The following MB21D2 variants were observed in gnomAD, a reference collection of about 807,000 sequenced individuals.
MB21D2 encodes Mab-21 domain containing 2.
A neutral mutation model predicts 33.3 loss-of-function variants in MB21D2; 9 were observed. The observed-to-expected ratio is 0.27, with a 90% CI of 0.16 to 0.47. The LOEUF (loss-of-function observed/expected upper bound fraction) is 0.47, where lower values mean the gene tolerates loss of function less well. MB21D2 is among the 20% of genes least tolerant of loss of function. MB21D2 has a pLI of 0.99. For missense variants in MB21D2, 540 were observed against 624.6 expected, an observed-to-expected ratio of 0.86 and a Z score of 1.44; for synonymous variants, 241 against 236.3, an observed-to-expected ratio of 1.02 and a Z score of -0.18.
Position 192,874,065 on chromosome 3 carries a change from G to C in MB21D2, c.211+43565C>G, listed in dbSNP as rs1560246414. ...TAAAAATGTCTGTTGATTCCCAATG[G>C]AAATGAGTGGTAGTGTCTACTCAAA... On this transcript the variant is annotated intron_variant, in intron 1 of 1. Coordinates refer to ENST00000392452, the MANE Select transcript of MB21D2 (RefSeq NM_178496.4). 2.0e-5 allele frequency among the ~76,000 whole-genome samples: 3 copies of C among 152,292 alleles called. No homozygotes were observed. In the South Asian group the frequency reaches 6.2e-4, roughly 32 times the overall value.
intron 1 of MB21D2, among the ~76,000 whole-genome samples, chr3:192,814,514 G>T (rs1365935690): frequency 1.3e-5 from 2 of 152,134 alleles, no homozygotes; most frequent in African/African-American, 4.8e-5. Context: ...AGCACGGGTA[G>T]ATCATTTAAA....
In MB21D2 at chr3:192,869,046, A is replaced by C. The variant is rs141367571; in HGVS notation, c.211+48584T>G. ...GGAAGAGGGTGGATCACTTGAGGTC[A>C]GGAGTTCGAGACCAGCCTGGCCAAC... On this transcript the variant is annotated intron_variant, in intron 1 of 1. Transcript: ENST00000392452. Among the ~76,000 whole-genome samples the C allele has an allele frequency of 9.4e-3, 1,428 of 152,300 alleles. 15 individuals carry two copies. The highest frequency in any genetic ancestry group is 0.033 in the African/African-American group (1,354 of 41,548).
chr3:192,838,394 G>A (rs1251287307), intron 1 of MB21D2, among the ~76,000 whole-genome samples: 2 of 151,904 alleles, frequency 1.3e-5, no homozygotes, highest in African/African-American at 4.8e-5. Context: ...GAGAAAAATG[G>A]GCTCTTTGAA....
intron 1 of MB21D2, among the ~76,000 whole-genome samples, chr3:192,860,675 CA>C (rs1318661094): frequency 6.6e-6 from 1 of 152,174 alleles, no homozygotes; most frequent in Non-Finnish European, 1.5e-5. Flanking sequence ...CCAGCTCTGC[CA>C]GCAGAAGTGG....
chr3:192,802,621 T>A lies in MB21D2; in HGVS notation c.212-2971A>T, dbSNP rs559022562. On this transcript the variant is annotated intron_variant, in intron 1 of 1. Transcript: ENST00000392452. ...TAATATTAACCTCATCTTTGCCATGTAAAGAAATACTACCATCCCACGTTT... is the reference window on the plus strand; with the variant it reads ...TAATATTAACCTCATCTTTGCCATGAAAAGAAATACTACCATCCCACGTTT... Among the ~76,000 whole-genome samples the A allele has an allele frequency of 9.1e-4, 138 of 152,344 alleles. 1 individual carries two copies. Among genetic ancestry groups the A allele is most frequent in the African/African-American group, 3.3e-3 (137 of 41,576 alleles).
intron 1 of MB21D2, among the ~76,000 whole-genome samples, chr3:192,829,307 A>G (rs931897333): frequency 4.6e-5 from 7 of 152,244 alleles, no homozygotes; most frequent in Admixed American, 2.6e-4. Flanking sequence ...GTTTTTGCTA[A>G]TATGAATAAA....
chr3:192,900,809 C>T (rs1394558691), intron 1 of MB21D2, among the ~76,000 whole-genome samples: 10 of 151,984 alleles, frequency 6.6e-5, no homozygotes, highest in African/African-American at 1.9e-4. Flanking sequence ...GGTATGGCGG[C>T]GCCCGCCTGT....
chr3:192,837,831 G>C (rs1241692031), intron 1 of MB21D2, among the ~76,000 whole-genome samples: 1 of 152,188 alleles, frequency 6.6e-6, no homozygotes, highest in Non-Finnish European at 1.5e-5. Context: ...CAACTGAGAA[G>C]TAGCCAGTGC....
intron 1 of MB21D2, among the ~76,000 whole-genome samples, chr3:192,876,585 C>A (rs1236142662): frequency 6.6e-6 from 1 of 152,182 alleles, no homozygotes; most frequent in African/African-American, 2.4e-5. Flanking sequence ...TAAAACGCTG[C>A]AATAGATGTT....
chr3:192,820,932 T>C (rs1376087074), intron 1 of MB21D2, among the ~76,000 whole-genome samples: 1 of 152,122 alleles, frequency 6.6e-6, no homozygotes, highest in East Asian at 1.9e-4. Flanking sequence ...CCCAGCTTTT[T>C]TTTATATATA....
intron 1 of MB21D2, among the ~76,000 whole-genome samples, chr3:192,826,430 T>C (rs976051643): frequency 1.4e-4 from 21 of 152,248 alleles, no homozygotes; most frequent in Admixed American, 1.2e-3. Context: ...GTCTTCAGTA[T>C]GTTTGCCAGT....
chr3:192,901,992 A>G (rs77314910), intron 1 of MB21D2, among the ~76,000 whole-genome samples: 4 of 152,184 alleles, frequency 2.6e-5, no homozygotes, highest in Admixed American at 2.0e-4. Flanking sequence ...ACCTCTTTAA[A>G]TCAATCAATT....
chr3:192,877,803 T>C (rs1391993327), intron 1 of MB21D2, among the ~76,000 whole-genome samples: 1 of 152,174 alleles, frequency 6.6e-6, no homozygotes, highest in Non-Finnish European at 1.5e-5. Context: ...ATGCAAGTAC[T>C]GCAGACTGAT....
At chr3:192,859,243 T>C (rs1336357330) in intron 1 of MB21D2, among the ~76,000 whole-genome samples, 1 of 152,110 alleles carries the variant, frequency 6.6e-6, no homozygotes, top group African/African-American at 2.4e-5. Context: ...AAATAATGTA[T>C]TAAGTACCAT....
intron 1 of MB21D2, among the ~76,000 whole-genome samples, chr3:192,862,379 T>C (rs1019135974): frequency 6.6e-6 from 1 of 152,344 alleles, no homozygotes; most frequent in East Asian, 1.9e-4. Flanking sequence ...ATTCGAATTG[T>C]AGAATAATAG....
At chr3:192,814,404 A>G (rs1190384547) in intron 1 of MB21D2, among the ~76,000 whole-genome samples, 1 of 152,212 alleles carries the variant, frequency 6.6e-6, no homozygotes, top group Non-Finnish European at 1.5e-5. Flanking sequence ...GGGTAAAAAC[A>G]TACTCTATTG....
intron 1 of MB21D2, among the ~76,000 whole-genome samples, chr3:192,850,065 C>T (rs1031181443): frequency 3.3e-5 from 5 of 151,896 alleles, no homozygotes; most frequent in African/African-American, 1.2e-4. Context: ...ACTACTGGCG[C>T]GTGCCACCAC....
At chr3:192,835,814 T>C (rs1712424508) in intron 1 of MB21D2, among the ~76,000 whole-genome samples, 1 of 151,386 alleles carries the variant, frequency 6.6e-6, no homozygotes, top group African/African-American at 2.4e-5. Context: ...TGACCTCCTT[T>C]GGAAGATCAA....
intron 1 of MB21D2, among the ~76,000 whole-genome samples, chr3:192,823,372 G>A (rs1268758209): frequency 6.6e-6 from 1 of 152,186 alleles, no homozygotes; most frequent in African/African-American, 2.4e-5. Context: ...ACATTTCTCT[G>A]GCTGGGCACG....
Sources: gnomAD v4.1 joint callset for allele counts (sites outside exome capture counted in the v4.1 genomes callset) on GRCh38, gnomAD v4.1.1 for gene constraint, MANE v1.5 for transcripts, NCBI Gene and HGNC (gene_info 2026-07-23, HGNC 2026-07-21) for gene names.